The following XG variants were observed in gnomAD, a reference collection of about 807,000 sequenced individuals.
The protein encoded by XG is Xg glycoprotein (Xg blood group), also known as glycoprotein Xg.
Under a neutral mutation model 25.7 loss-of-function variants are expected in XG, and 24 were observed. The observed-to-expected ratio is 0.93, with a 90% CI of 0.68 to 1.31. XG has a LOEUF of 1.31. Among genes scored for constraint, XG ranks in the 40% most tolerant of loss-of-function variants. The pLI is 0.00. For synonymous variants in XG, 77 were observed against 69.2 expected, an observed-to-expected ratio of 1.11 and a Z score of -0.56; for missense variants, 181 against 187.6, an observed-to-expected ratio of 0.96 and a Z score of 0.21.
chrX:2,780,583 C>G (rs1201744290), intron 3 of XG, among the ~76,000 whole-genome samples: 1 of 151,736 alleles, frequency 6.6e-6, no homozygotes, highest in African/African-American at 2.4e-5. Flanking sequence ...CAAAAGTTAG[C>G]TGGGCATGGT....
chrX:2,786,075 G>A (rs1424806219), intron 4 of XG, among the ~76,000 whole-genome samples: 2 of 109,740 alleles, frequency 1.8e-5, no homozygotes, highest in South Asian at 4.1e-4. Context: ...TGATCTGGAG[G>A]AACCCAAAAT....
chrX:2,808,406 G>C, intron 9 of XG, 186 bp downstream of exon 9: 1 of 814,781 alleles, frequency 1.2e-6, no homozygotes, highest in Admixed American at 3.7e-5. Flanking sequence ...ACCAATCAGA[G>C]TTCAGAGAAA....
intron 7 of XG, among the ~76,000 whole-genome samples, chrX:2,801,918 A>G (rs60789854): frequency 0.2 from 21,440 of 109,301 alleles, 1,644 homozygotes; most frequent in African/African-American, 0.26. Context: ...CGTGTTAGCC[A>G]GGATGATCTC....
chrX:2,786,485 C>T (rs1172272409), intron 4 of XG, among the ~76,000 whole-genome samples: 1 of 109,317 alleles, frequency 9.1e-6, no homozygotes, highest in African/African-American at 3.3e-5. Flanking sequence ...CCAGGCTGGT[C>T]TCAAACTCCT....
intron 2 of XG, among the ~76,000 whole-genome samples, chrX:2,774,115 CAT>C (rs1348126764): frequency 2.0e-5 from 3 of 152,028 alleles, no homozygotes; most frequent in African/African-American, 4.8e-5. Flanking sequence ...GAAGTCTGGC[CAT>C]TGCACAGCCC....
At chrX:2,756,250 G>T (rs2050432110) in intron 1 of XG, among the ~76,000 whole-genome samples, 1 of 152,052 alleles carries the variant, frequency 6.6e-6, no homozygotes, top group Admixed American at 6.6e-5. Flanking sequence ...GACAAAATCA[G>T]GTCTTCTAAC....
rs2086954179 is a variant in XG, at chrX:2,802,518, C to G, written c.374-4183C>G. 2.7e-5 allele frequency among the ~76,000 whole-genome samples: 3 copies of G among 110,998 alleles called. No individual in the cohort carries two copies. The South Asian group carries it at 1.2e-3, about 43-fold the overall frequency. On this transcript the variant is annotated intron_variant, in intron 7 of 10. Coordinates refer to ENST00000644266, the MANE Select transcript of XG (RefSeq NM_001141919.2). ...AAAATTTGGACACTGGGCTTTTTAA[C>G]GTGTAATTTGGCTGGTAGGAGACCC...
chrX:2,790,137 C>T (rs961006285), intron 5 of XG, among the ~76,000 whole-genome samples: 11 of 111,704 alleles, frequency 9.8e-5, no homozygotes, highest in African/African-American at 3.6e-4. Context: ...GCCTCAGCCT[C>T]CCAAAATGCT....
intron 1 of XG, among the ~76,000 whole-genome samples, chrX:2,764,877 C>G (rs1268810842): frequency 6.6e-6 from 1 of 150,712 alleles, no homozygotes; most frequent in Non-Finnish European, 1.5e-5. Flanking sequence ...CCCGTCATTA[C>G]TAAAAACACA....
In XG at chrX:2,797,309, G is replaced by A; in HGVS notation, c.323-1G>A. On this transcript the variant is annotated splice_acceptor_variant, in intron 6 of 10. Coordinates refer to ENST00000644266, the MANE Select transcript of XG (RefSeq NM_001141919.2). LOFTEE classifies it high-confidence loss of function. ...TCAACTCTACCTTCTCTGTCTAACAGGAGGTGGCGGCGGTGGCTACTCCAG... is the reference window on the plus strand; with the variant it reads ...TCAACTCTACCTTCTCTGTCTAACAAGAGGTGGCGGCGGTGGCTACTCCAG... 1 of 1,211,341 alleles carries A rather than the reference G, an allele frequency of 8.3e-7. No individual in the cohort carries two copies. The highest frequency in any genetic ancestry group is 1.1e-6 in the Non-Finnish European group (1 of 895,333).
intron 7 of XG, among the ~76,000 whole-genome samples, chrX:2,800,906 T>G (rs1287256634): frequency 1.9e-5 from 2 of 105,317 alleles, no homozygotes; most frequent in Admixed American, 2.1e-4. Flanking sequence ...ACCCTGGAAG[T>G]TTGAGGCTGC....
chrX:2,755,239 A>G (rs954133045), intron 1 of XG, among the ~76,000 whole-genome samples: 5 of 152,242 alleles, frequency 3.3e-5, no homozygotes, highest in African/African-American at 9.6e-5. Flanking sequence ...AAGAATGGCT[A>G]TTCCGCAGAG....
intron 9 of XG, among the ~76,000 whole-genome samples, chrX:2,810,116 G>A (rs908654640): frequency 2.7e-5 from 3 of 111,779 alleles, no homozygotes; most frequent in Non-Finnish European, 5.6e-5. Flanking sequence ...CTTGCGTTCA[G>A]TGACAACACT....
At position 2,752,328 on chromosome X, in the gene XG, C is replaced by T. The variant is rs1311593850; in HGVS notation, c.54C>T (p.His18=). The T allele has an allele frequency of 1.6e-5, 26 of 1,613,314 alleles. 1 individual carries two copies. The highest frequency in any genetic ancestry group is 4.5e-5 in the East Asian group (2 of 44,886). Residue 18 remains histidine, a synonymous_variant, in exon 1 of 11, where the codon CAC becomes CAT. Transcript: ENST00000644266. ...TTGCGTTCCTGTGTTTTCTAATGCA[C>T]GCCCGAGGTAAGAGGCATTTTGCTT... ...PCLAFLCFLM[H]ARGQRDFDLA...
At chrX:2,773,726 A>C (rs1325775253) in intron 2 of XG, among the ~76,000 whole-genome samples, 2 of 11,252 alleles carry the variant, frequency 1.8e-4, no homozygotes, top group Admixed American at 9.1e-4. Context: ...AAGGAAGGAG[A>C]GAAGGAAGGA....
intron 7 of XG, among the ~76,000 whole-genome samples, chrX:2,805,427 C>T (rs1387084865): frequency 9.0e-6 from 1 of 111,570 alleles, no homozygotes; most frequent in Non-Finnish European, 1.9e-5. Context: ...TGAAGCCTCT[C>T]TCCTTGGCTC....
chrX:2,772,956 C>T (rs1243548318), intron 2 of XG, among the ~76,000 whole-genome samples: 1 of 152,050 alleles, frequency 6.6e-6, no homozygotes, highest in Admixed American at 6.6e-5. Context: ...GTGGGGAATT[C>T]ACTTTTCACT....
intron 1 of XG, among the ~76,000 whole-genome samples, chrX:2,767,766 C>T (rs947048297): frequency 7.9e-5 from 12 of 152,110 alleles, no homozygotes; most frequent in African/African-American, 1.4e-4. Context: ...GCCTGGCATG[C>T]GGGACTGGAG....
At chrX:2,752,720 T>C (rs1241381492) in intron 1 of XG, among the ~76,000 whole-genome samples, 1 of 152,236 alleles carries the variant, frequency 6.6e-6, no homozygotes, top group Admixed American at 6.5e-5. Flanking sequence ...ACCATTTCCA[T>C]ACAGTAAAAG....
Sources: allele counts gnomAD v4.1 joint callset (sites outside exome capture counted in the v4.1 genomes callset), GRCh38; gene constraint gnomAD v4.1.1; transcripts MANE v1.5; gene names NCBI Gene and HGNC (gene_info 2026-07-23, HGNC 2026-07-21).